TMF1: variants seen among roughly 807,000 people sequenced by gnomAD.
The protein encoded by TMF1 is TATA element modulatory factor.
Under a neutral mutation model 126.5 loss-of-function variants are expected in TMF1, and 71 were observed. That is an observed-to-expected ratio of 0.56 (90% confidence interval 0.46 to 0.68). The LOEUF (loss-of-function observed/expected upper bound fraction) is 0.68, where lower values mean the gene tolerates loss of function less well. Ranked by LOEUF, TMF1 falls within the 30% of genes least tolerant of loss-of-function variation. The pLI is 0.00. For missense variants in TMF1, 1,259 were observed against 1,253.2 expected, an observed-to-expected ratio of 1.00 and a Z score of -0.07; for synonymous variants, 461 against 430.5, an observed-to-expected ratio of 1.07 and a Z score of -0.88.
chr3:69,042,465 G>A (rs1366992019), intron 5 of TMF1: 5 of 475,858 alleles, frequency 1.1e-5, no homozygotes, highest in Non-Finnish European at 2.1e-5. Flanking sequence ...TAGGTATTCA[G>A]ATATTACATA....
intron 13 of TMF1, among the ~76,000 whole-genome samples, chr3:69,027,016 G>GA (rs1284999690): frequency 6.6e-6 from 1 of 151,650 alleles, no homozygotes; most frequent in Admixed American, 6.6e-5. Flanking sequence ...ATTTTTTTGA[G>GA]AAAGAGTCTC....
At chr3:69,050,340 T>C (rs989114251) in intron 1 of TMF1, among the ~76,000 whole-genome samples, 4 of 151,858 alleles carry the variant, frequency 2.6e-5, no homozygotes, top group African/African-American at 4.8e-5. Flanking sequence ...ATGAAAAGTA[T>C]GTAGAAAACT....
Position 69,023,157 on chromosome 3 carries a change from G to A in TMF1, c.*20C>T, listed in dbSNP as rs2091748943. The A allele has an allele frequency of 6.3e-7, 1 of 1,598,770 alleles. No homozygotes were observed. The highest frequency in any genetic ancestry group is 1.7e-5 in the Admixed American group (1 of 58,880). On this transcript the variant is annotated 3_prime_UTR_variant, in exon 17 of 17. Coordinates refer to ENST00000398559, the MANE Select transcript of TMF1 (RefSeq NM_007114.3). ...ATTAAATGCTTACATTCAGTTTGATGGGAATTCAATTTTCACAAGTTAACT... is the reference window on the plus strand; with the variant it reads ...ATTAAATGCTTACATTCAGTTTGATAGGAATTCAATTTTCACAAGTTAACT...
chr3:69,029,762 T>C (rs2091789351), intron 11 of TMF1, 53 bp downstream of exon 11: 1 of 1,503,112 alleles, frequency 6.7e-7, no homozygotes, highest in South Asian at 1.3e-5. Flanking sequence ...TTTTAAAAAG[T>C]GCTTTAGGAT....
intron 5 of TMF1, among the ~76,000 whole-genome samples, chr3:69,041,405 T>C (rs1279804771): frequency 6.6e-6 from 1 of 152,174 alleles, no homozygotes; most frequent in African/African-American, 2.4e-5. Context: ...CAATAAATAT[T>C]AGTTGAATAA....
In TMF1 at chr3:69,021,327, A is replaced by G. The variant is rs1367763972; in HGVS notation, c.*1850T>C. 6.6e-6 allele frequency: 1 copy of G among 152,620 alleles called. No homozygotes were observed. Among genetic ancestry groups the G allele is most frequent in the African/African-American group, 2.4e-5 (1 of 41,438 alleles). 9.5% of individuals were successfully genotyped at this position (152,620 alleles called of 1,614,324 possible). A position where few individuals can be genotyped will look rare whatever the true frequency, so the allele number is the denominator to read the frequency against. On this transcript the variant is annotated 3_prime_UTR_variant, in exon 17 of 17. Transcript: ENST00000398559. The stretch of plus-strand genomic sequence containing the variant: ...TCTTGGAACGTATGTCCCATGGGTA[A>G]GAGGGAACTACTATATTTTCTAATT...
rs933813832 is a variant in TMF1 at position 69,022,912 on chromosome 3, A to C, written c.*265T>G. ...ATATTTATATGAGGATAAAGTAATA[A>C]ATCTCTGTGCTATTCAAGGAAAAAA... is the stretch of plus-strand genomic sequence containing the variant. On this transcript the variant is annotated 3_prime_UTR_variant, in exon 17 of 17. Transcript: ENST00000398559. The C allele has an allele frequency of 3.5e-6, 1 of 282,534 alleles. No individual in the cohort carries two copies. The highest frequency in any genetic ancestry group is 6.6e-6 in the Non-Finnish European group (1 of 152,202). 17.5% of individuals were successfully genotyped at this position (282,534 alleles called of 1,614,324 possible). A position where few individuals can be genotyped will look rare whatever the true frequency, so the allele number is the denominator to read the frequency against.
In TMF1 at chr3:69,026,097, C is replaced by T; in HGVS notation, c.2758G>A (p.Glu920Lys). 6.2e-7 allele frequency: 1 copy of T among 1,608,084 alleles called. No homozygotes were observed. The highest frequency in any genetic ancestry group is 8.5e-7 in the Non-Finnish European group (1 of 1,176,732). Residue 920 changes from glutamate to lysine, a missense_variant and splice_region_variant, in exon 14 of 17, where the codon GAA becomes AAA. Glu to Lys is a moderately conservative substitution (Grantham distance 56). Coordinates refer to ENST00000398559, the MANE Select transcript of TMF1 (RefSeq NM_007114.3). ...IFTQETIKEK[E>K]RKPFSVSSTP... The stretch of plus-strand genomic sequence containing the variant: ...CTAGAAACAGAAAATGGCTTGCGTT[C>T]CTTAGGGAGTAAAAAAAATTCTGTT...
At position 69,022,938 on chromosome 3, in the gene TMF1, A is replaced by T; in HGVS notation, c.*239T>A. 2.8e-6 allele frequency: 1 copy of T among 355,064 alleles called. No homozygotes were observed. Among genetic ancestry groups the T allele is most frequent in the South Asian group, 4.8e-5 (1 of 21,006 alleles). The allele number at this position is 355,064 out of a possible 1,614,324, so 22.0% of individuals were successfully genotyped here. Reference sequence around the variant, plus strand: ...ATCTCTGTGCTATTCAAGGAAAAAAAATGAATGCTTTAAAAAATAAATCTT... The same window carrying T: ...ATCTCTGTGCTATTCAAGGAAAAAATATGAATGCTTTAAAAAATAAATCTT... On this transcript the variant is annotated 3_prime_UTR_variant, in exon 17 of 17. Transcript: ENST00000398559.
Position 69,035,342 on chromosome 3 carries a change from G to A in TMF1, c.2152-227C>T, listed in dbSNP as rs77200446. ...AAGCATTCTGTTAAGGCAAAGAAAC[G>A]CAAACAAATATGTATAAGGCATAGC... On this transcript the variant is annotated intron_variant, in intron 8 of 16. Transcript: ENST00000398559. 5.7e-3 allele frequency: 2,934 copies of A among 512,098 alleles called. 61 individuals are homozygous for A. Among genetic ancestry groups the A allele is most frequent in the African/African-American group, 0.049 (2,571 of 52,102 alleles). 31.7% of individuals were successfully genotyped at this position (512,098 alleles called of 1,614,324 possible).
chr3:69,043,415 C>T (rs1486139364), intron 4 of TMF1, among the ~76,000 whole-genome samples: 1 of 152,110 alleles, frequency 6.6e-6, no homozygotes, highest in Non-Finnish European at 1.5e-5. Context: ...AGCGATCCAC[C>T]CTCTTCGGCC....
Position 69,048,414 on chromosome 3 carries a change from G to A in TMF1, c.291C>T (p.Phe97=). 1.9e-6 allele frequency: 3 copies of A among 1,614,132 alleles called. No homozygotes were observed. In the East Asian group the frequency reaches 6.7e-5, roughly 36 times the overall value. The part of the protein sequence containing the change: ...RTVVDESENF[F]SAFLSPTDVQ... ...CATCAGTTGGCGAGAGAAAGGCACTGAAGAAATTTTCAGATTCATCGACCA... is the reference window on the plus strand; with the variant it reads ...CATCAGTTGGCGAGAGAAAGGCACTAAAGAAATTTTCAGATTCATCGACCA... The change falls in exon 2 of 17, where the codon TTC becomes TTT. Residue 97 remains phenylalanine (F), a synonymous_variant. Coordinates refer to ENST00000398559, the MANE Select transcript of TMF1 (RefSeq NM_007114.3).
intron 10 of TMF1, 88 bp from the exon 11 acceptor site, chr3:69,030,095 A>G: frequency 8.6e-7 from 1 of 1,166,502 alleles, no homozygotes; most frequent in South Asian, 1.5e-5. Context: ...ACATTTAATG[A>G]TGCAAGTAGC....
intron 2 of TMF1, among the ~76,000 whole-genome samples, chr3:69,046,335 A>G (rs1190518966): frequency 6.6e-6 from 1 of 152,180 alleles, no homozygotes; most frequent in South Asian, 2.1e-4. Flanking sequence ...AGATGAACTT[A>G]GAAATCACTT....
rs1364098720 is a variant in TMF1, at chr3:69,027,952, A to G, written c.2705T>C (p.Val902Ala). ...NSQLEMERMKVEQERKKAIFT... is the reference protein window; with the variant it reads ...NSQLEMERMKAEQERKKAIFT... ...AATGGCTTTCTTCCTTTCTTGTTCA[A>G]CTTTCATTCTTTCCATTTCTAACTG... The change falls in exon 13 of 17, where the codon GTT becomes GCT. Residue 902 changes from valine to alanine, a missense_variant. Transcript: ENST00000398559. The G allele has an allele frequency of 3.8e-6, 6 of 1,585,864 alleles. No homozygotes were observed. In the African/African-American group the frequency reaches 6.7e-5, roughly 18 times the overall value.
chr3:69,024,268 GT>G (rs201235194), intron 15 of TMF1, 88 bp from the exon 16 acceptor site: 100,814 of 915,470 alleles, frequency 0.11, 450 homozygotes, highest in South Asian at 0.14. Flanking sequence ...TGTGTGTGTG[GT>G]TTTTTTTTTT....
Position 69,052,107 on chromosome 3 carries a change from T to C in TMF1, c.-21A>G. The C allele has an allele frequency of 6.3e-7, 1 of 1,599,870 alleles. No homozygotes were observed. Among genetic ancestry groups the C allele is most frequent in the Non-Finnish European group, 8.5e-7 (1 of 1,174,526 alleles). Reference sequence around the variant, plus strand: ...CTCATCGCCCCTCCTCAGCCGGCAGTGGCGGCGGCAGCACCAAGCGGGAAG... The same window carrying C: ...CTCATCGCCCCTCCTCAGCCGGCAGCGGCGGCGGCAGCACCAAGCGGGAAG... On this transcript the variant is annotated 5_prime_UTR_variant, in exon 1 of 17. Transcript: ENST00000398559.
intron 11 of TMF1, 116 bp downstream of exon 11, chr3:69,029,699 C>T: frequency 1.0e-6 from 1 of 983,396 alleles, no homozygotes; most frequent in Non-Finnish European, 1.5e-6. Context: ...CCTTGGCCTC[C>T]CAATGTGCTG....
intron 5 of TMF1, among the ~76,000 whole-genome samples, chr3:69,041,465 C>G (rs1057206562): frequency 3.3e-5 from 5 of 152,188 alleles, no homozygotes; most frequent in African/African-American, 1.2e-4. Context: ...CTGCTTCCAA[C>G]TGTTCTCAAA....
Sources: allele counts gnomAD v4.1 joint callset (sites outside exome capture counted in the v4.1 genomes callset), GRCh38; gene constraint gnomAD v4.1.1; transcripts MANE v1.5; gene names NCBI Gene and HGNC (gene_info 2026-07-23, HGNC 2026-07-21).